The following PIK3R6 variants were observed in gnomAD, a reference collection of about 807,000 sequenced individuals.
PIK3R6 encodes the protein phosphoinositide 3-kinase regulatory subunit 6.
Under a neutral mutation model 84.9 loss-of-function variants are expected in PIK3R6, and 91 were observed. That is an observed-to-expected ratio of 1.07 (90% CI 0.90 to 1.28). The LOEUF (loss-of-function observed/expected upper bound fraction) is 1.28. PIK3R6 is among the 50% of genes most tolerant of loss of function. The pLI, the probability that PIK3R6 is intolerant of heterozygous loss-of-function variation, is 0.00. For synonymous variants in PIK3R6, 416 were observed against 411.4 expected (o/e 1.01, Z -0.13); for missense variants, 996 against 985.1 (o/e 1.01, Z -0.15).
At chr17:8,804,449 G>C (rs1045978014) in intron 18 of PIK3R6, among the ~76,000 whole-genome samples, 2 of 152,214 alleles carry the variant, frequency 1.3e-5, no homozygotes, top group African/African-American at 2.4e-5. Context: ...CTGAACTCGA[G>C]TGTTGATTTC....
chr17:8,827,993 T>G (rs908311136), intron 12 of PIK3R6, 119 bp downstream of exon 12: 1 of 1,078,630 alleles, frequency 9.3e-7, no homozygotes, highest in African/African-American at 1.6e-5. Flanking sequence ...GCCTCCACAT[T>G]CTAAGGATGC....
At chr17:8,813,611 A>T (rs60796973) in intron 18 of PIK3R6, among the ~76,000 whole-genome samples, 2,298 of 152,340 alleles carry the variant, frequency 0.015, 68 homozygotes, top group African/African-American at 0.052. Context: ...ACATACACAA[A>T]TCAATAAATG....
intron 2 of PIK3R6, among the ~76,000 whole-genome samples, chr17:8,849,426 C>T (rs1043129986): frequency 6.6e-6 from 1 of 152,206 alleles, no homozygotes; most frequent in African/African-American, 2.4e-5. Flanking sequence ...AGGAGGTTAA[C>T]CAAGACTAAA....
In PIK3R6 at chr17:8,838,652, A is replaced by T; in HGVS notation, c.101T>A (p.Met34Lys). 6.3e-7 allele frequency: 1 copy of T among 1,598,308 alleles called. No individual in the cohort carries two copies. The highest frequency in any genetic ancestry group is 8.5e-7 in the Non-Finnish European group (1 of 1,172,322). Reference sequence around the variant, plus strand: ...CTTCTTGTGCAGGGACCACCTCCACATGCCTGGGCCAGGAGAAAGGGGAGC... The same window carrying T: ...CTTCTTGTGCAGGGACCACCTCCACTTGCCTGGGCCAGGAGAAAGGGGAGC... ...QAPALQSNQG[M>K]WRWSLHKKVE... Residue 34 changes from methionine (M) to lysine (K), a missense_variant, in exon 4 of 20, where the codon ATG (methionine) becomes AAG (lysine). Coordinates refer to ENST00000619866, the MANE Select transcript of PIK3R6 (RefSeq NM_001010855.4).
intron 18 of PIK3R6, among the ~76,000 whole-genome samples, chr17:8,818,522 G>C (rs146925212): frequency 2.6e-5 from 4 of 152,148 alleles, no homozygotes; most frequent in African/African-American, 4.8e-5. Flanking sequence ...GGTGGTGCAC[G>C]CCTGTAGTCC....
Position 8,804,120 on chromosome 17 carries a change from G to A in PIK3R6, c.2029C>T (p.Gln677Ter), listed in dbSNP as rs2087128063. The A allele has an allele frequency of 1.9e-6, 3 of 1,613,874 alleles. No homozygotes were observed. The highest frequency in any genetic ancestry group is 2.5e-6 in the Non-Finnish European group (3 of 1,179,868). Residue 677 changes from glutamine (Q) to a stop codon, truncating the protein, a stop_gained, in exon 19 of 20, where the codon CAG becomes TAG. Transcript: ENST00000619866. LOFTEE classifies it high-confidence loss of function. Reference protein sequence around the residue: ...VTNTFRTNNIQIQSRDQRLLT... With the variant: ...VTNTFRTNNI Reference sequence around the variant, plus strand: ...AGCCTCTGGTCCCGGCTCTGGATCTGGATATTGTTCGTCCTGAAGGTGTTG... The same window carrying A: ...AGCCTCTGGTCCCGGCTCTGGATCTAGATATTGTTCGTCCTGAAGGTGTTG...
At chr17:8,840,234 A>AAATATATATATGAAATATATACAGCCTC (rs2088628015) in intron 2 of PIK3R6, among the ~76,000 whole-genome samples, 3 of 138,350 alleles carry the variant, frequency 2.2e-5, no homozygotes, top group Admixed American at 7.2e-5. Flanking sequence ...TATACAGCCT[A>AAATATATATATGAAATATATACAGCCTC]CAAATATATA....
At chr17:8,823,276 G>A in intron 14 of PIK3R6, 111 bp downstream of exon 14, 1 of 855,320 alleles carries the variant, frequency 1.2e-6, no homozygotes, top group Non-Finnish European at 1.9e-6. Context: ...ATAACCAAGA[G>A]CGTCTGGGTG....
intron 18 of PIK3R6, among the ~76,000 whole-genome samples, chr17:8,815,602 G>A (rs557537869): frequency 9.9e-4 from 150 of 152,164 alleles, no homozygotes; most frequent in African/African-American, 3.3e-3. Flanking sequence ...TGCTTTGGCC[G>A]TCCTAGGAGC....
Position 8,829,692 on chromosome 17 carries a change from C to G in PIK3R6, c.889+14G>C. On this transcript the variant is annotated intron_variant, in intron 10 of 19. Coordinates refer to ENST00000619866, the MANE Select transcript of PIK3R6 (RefSeq NM_001010855.4). ...CATATACCACTGTTTCCAGACAGCT[C>G]CATGGGCACGTACAGAGCTGCTCCT... 6.4e-7 allele frequency: 1 copy of G among 1,550,564 alleles called. No homozygotes were observed. Among genetic ancestry groups the G allele is most frequent in the Non-Finnish European group, 8.7e-7 (1 of 1,146,168 alleles).
intron 1 of PIK3R6, among the ~76,000 whole-genome samples, chr17:8,859,420 T>C (rs2089219560): frequency 6.6e-6 from 1 of 152,200 alleles, no homozygotes; most frequent in Non-Finnish European, 1.5e-5. Context: ...ACACTGAAAC[T>C]GTCTCACCGC....
At chr17:8,838,798 C>T (rs2088572187) in intron 3 of PIK3R6, 143 bp from the exon 4 acceptor site, 1 of 714,000 alleles carries the variant, frequency 1.4e-6, no homozygotes, top group Non-Finnish European at 2.3e-6. Context: ...CGCTTGGCTC[C>T]AGGTGCACCT....
At position 8,866,784 on chromosome 17, in the gene PIK3R6, C is replaced by T. The variant is rs115561094; in HGVS notation, c.-92+745G>A. On this transcript the variant is annotated intron_variant, in intron 1 of 19. Coordinates refer to ENST00000619866, the MANE Select transcript of PIK3R6 (RefSeq NM_001010855.4). ...CCTGCAGTCTCTTTCATCCTGCACA[C>T]ACCACACACCTCCTGGCTCGCTGAG... Among the ~76,000 whole-genome samples the T allele has an allele frequency of 4.3e-3, 660 of 152,284 alleles. 6 individuals carry two copies. The highest frequency in any genetic ancestry group is 0.014 in the African/African-American group (580 of 41,548).
At chr17:8,835,549 C>T in intron 7 of PIK3R6, 93 bp from the exon 8 acceptor site, 3 of 1,077,284 alleles carry the variant, frequency 2.8e-6, no homozygotes, top group Non-Finnish European at 3.9e-6. Flanking sequence ...TGCAGCACCT[C>T]CAAGTAATTT....
intron 18 of PIK3R6, among the ~76,000 whole-genome samples, chr17:8,808,401 C>T (rs2087264113): frequency 6.6e-6 from 1 of 151,804 alleles, no homozygotes; most frequent in Non-Finnish European, 1.5e-5. Flanking sequence ...CTTGGGGGTC[C>T]CGGAAATAAT....
chr17:8,820,770 T>C (rs764472445), intron 17 of PIK3R6, among the ~76,000 whole-genome samples: 1 of 152,168 alleles, frequency 6.6e-6, no homozygotes, highest in Non-Finnish European at 1.5e-5. Flanking sequence ...TGAACACAAA[T>C]GCATTATTGT....
At chr17:8,838,804 C>T (rs904106800) in intron 3 of PIK3R6, 149 bp from the exon 4 acceptor site, 17 of 685,492 alleles carry the variant, frequency 2.5e-5, no homozygotes, top group Non-Finnish European at 3.9e-5. Flanking sequence ...GCTCCAGGTG[C>T]ACCTGGGTGG....
chr17:8,826,332 G>A (rs575176572), intron 13 of PIK3R6, among the ~76,000 whole-genome samples: 18 of 152,312 alleles, frequency 1.2e-4, no homozygotes, highest in African/African-American at 3.9e-4. Flanking sequence ...GCACACGTAT[G>A]TTTATTGTGG....
intron 18 of PIK3R6, among the ~76,000 whole-genome samples, chr17:8,808,441 C>T (rs934160070): frequency 6.6e-5 from 10 of 152,108 alleles, no homozygotes; most frequent in African/African-American, 1.9e-4. Flanking sequence ...TGACTGCCTC[C>T]CCTTTTTATA....
Sources: allele counts gnomAD v4.1 joint callset (sites outside exome capture counted in the v4.1 genomes callset), GRCh38; gene constraint gnomAD v4.1.1; transcripts MANE v1.5; gene names NCBI Gene and HGNC (gene_info 2026-07-23, HGNC 2026-07-21).